TLN2: variants seen among roughly 807,000 people sequenced by gnomAD.
TLN2 encodes talin-2.
A neutral mutation model predicts 294.7 loss-of-function variants in TLN2; 118 were observed. That is an observed-to-expected ratio of 0.40 (90% CI 0.34 to 0.47). The LOEUF (loss-of-function observed/expected upper bound fraction) is 0.47, where lower values mean the gene tolerates loss of function less well. Among genes scored for constraint, TLN2 ranks in the 20% least tolerant of loss-of-function variants. The probability of loss-of-function intolerance (pLI) is 0.84; values close to 1 mark genes in which losing one functional copy is unlikely to be tolerated. For synonymous variants in TLN2, 1,431 were observed against 1,304.5 expected, an observed-to-expected ratio of 1.10 and a Z score of -2.09; for missense variants, 3,083 against 3,282.2, an observed-to-expected ratio of 0.94 and a Z score of 1.48.
intron 1 of TLN2, among the ~76,000 whole-genome samples, chr15:62,552,852 C>G (rs1039820405): frequency 2.6e-5 from 4 of 152,100 alleles, no homozygotes; most frequent in Non-Finnish European, 4.4e-5. Context: ...CTTGTATTTC[C>G]CCTAGGAGCA....
intron 40 of TLN2, 107 bp downstream of exon 40, chr15:62,763,802 CT>C: frequency 7.1e-7 from 1 of 1,404,136 alleles, no homozygotes; most frequent in Non-Finnish European, 9.3e-7. Flanking sequence ...GTTTCTGTTG[CT>C]GGAGTTTCAC....
intron 1 of TLN2, among the ~76,000 whole-genome samples, chr15:62,586,812 C>G (rs2045648317): frequency 6.6e-6 from 1 of 152,212 alleles, no homozygotes; most frequent in Non-Finnish European, 1.5e-5. Context: ...AGGAATGAAT[C>G]TACCTGTCTC....
chr15:62,716,505 A>C, intron 23 of TLN2, 46 bp downstream of exon 23: 1 of 1,557,570 alleles, frequency 6.4e-7, no homozygotes. Context: ...TTAAATTGCA[A>C]AGAGTTATTT....
intron 3 of TLN2, among the ~76,000 whole-genome samples, chr15:62,645,770 A>G (rs1442889167): frequency 6.6e-6 from 1 of 152,188 alleles, no homozygotes; most frequent in Non-Finnish European, 1.5e-5. Context: ...AACACAAGAA[A>G]GAGAGTGAGC....
chr15:62,640,127 G>A (rs1050779154), intron 3 of TLN2: 1 of 454,548 alleles, frequency 2.2e-6, no homozygotes, highest in South Asian at 1.6e-5. Context: ...GCACTTCTGG[G>A]TGGCTGTGAC....
chr15:62,693,079 C>T (rs1429323242), intron 13 of TLN2, 138 bp downstream of exon 13: 2 of 644,962 alleles, frequency 3.1e-6, no homozygotes, highest in African/African-American at 1.9e-5. Flanking sequence ...CCTGTAATCC[C>T]AACACTTCGG....
intron 27 of TLN2, 88 bp from the exon 28 acceptor site, chr15:62,726,999 G>A: frequency 7.4e-7 from 1 of 1,356,088 alleles, no homozygotes; most frequent in South Asian, 1.4e-5. Context: ...CTCAAAGTTT[G>A]ATCTGCATGA....
chr15:62,573,554 A>T (rs1357953344), intron 1 of TLN2, among the ~76,000 whole-genome samples: 1 of 151,992 alleles, frequency 6.6e-6, no homozygotes, highest in Non-Finnish European at 1.5e-5. Flanking sequence ...TCTTGCATGC[A>T]TGACAGGGGT....
chr15:62,474,095 A>G (rs1463745139), intron 1 of TLN2, among the ~76,000 whole-genome samples: 2 of 152,222 alleles, frequency 1.3e-5, no homozygotes, highest in African/African-American at 2.4e-5. Context: ...GTCTGTACTA[A>G]AAACAAAACA....
chr15:62,413,751 G>A (rs1027273914), intron 1 of TLN2, among the ~76,000 whole-genome samples: 7 of 152,314 alleles, frequency 4.6e-5, no homozygotes, highest in Admixed American at 3.9e-4. Flanking sequence ...CCAGTGCAGA[G>A]GCATGGGGTG....
chr15:62,719,525 GGAATGTATC>G (rs2140911763), intron 24 of TLN2, among the ~76,000 whole-genome samples: 1 of 152,262 alleles, frequency 6.6e-6, no homozygotes. Context: ...CATCTTCGAA[GGAATGTATC>G]GAGACTTCCA....
At chr15:62,539,407 G>A (rs2041544650) in intron 1 of TLN2, among the ~76,000 whole-genome samples, 1 of 152,096 alleles carries the variant, frequency 6.6e-6, no homozygotes, top group South Asian at 2.1e-4. Flanking sequence ...CACCTAGTGG[G>A]CCCATGTCCA....
intron 1 of TLN2, among the ~76,000 whole-genome samples, chr15:62,423,141 C>A (rs2034508770): frequency 6.6e-6 from 1 of 152,176 alleles, no homozygotes; most frequent in Non-Finnish European, 1.5e-5. Context: ...CGCCTGTAAT[C>A]CCAGCACTTT....
intron 10 of TLN2, among the ~76,000 whole-genome samples, chr15:62,674,300 C>A (rs977236608): frequency 6.6e-6 from 1 of 152,126 alleles, no homozygotes; most frequent in Non-Finnish European, 1.5e-5. Context: ...AGAGACTTGT[C>A]CAGTCTACGC....
At chr15:62,691,671 C>A (rs1442748670) in intron 12 of TLN2, among the ~76,000 whole-genome samples, 3 of 151,988 alleles carry the variant, frequency 2.0e-5, no homozygotes, top group African/African-American at 7.3e-5. Flanking sequence ...TCCTAGACAT[C>A]TTGGTTATTA....
At chr15:62,832,204 G>T (rs1292260064) in intron 54 of TLN2, 1 of 145,014 alleles carries the variant, frequency 6.9e-6, no homozygotes, top group African/African-American at 2.6e-5. Context: ...ATCTACTACT[G>T]TTGGCACAAA....
chr15:62,731,107 T>C (rs2060700168), intron 28 of TLN2, among the ~76,000 whole-genome samples: 1 of 152,200 alleles, frequency 6.6e-6, no homozygotes, highest in Non-Finnish European at 1.5e-5. Flanking sequence ...TAATTGTAAG[T>C]ATCATATTTT....
chr15:62,518,705 C>A (rs1314996191), intron 1 of TLN2, among the ~76,000 whole-genome samples: 1 of 152,100 alleles, frequency 6.6e-6, no homozygotes, highest in African/African-American at 2.4e-5. Flanking sequence ...TCAAGCAATT[C>A]TCCTACCTCA....
At chr15:62,423,675 G>A (rs1216305520) in intron 1 of TLN2, among the ~76,000 whole-genome samples, 3 of 151,936 alleles carry the variant, frequency 2.0e-5, no homozygotes, top group African/African-American at 7.3e-5. Flanking sequence ...CCGTCTCCTG[G>A]GTTCAAGGAA....
Sources: gnomAD v4.1 joint callset for allele counts (sites outside exome capture counted in the v4.1 genomes callset) on GRCh38, gnomAD v4.1.1 for gene constraint, MANE v1.5 for transcripts, NCBI Gene and HGNC (gene_info 2026-07-23, HGNC 2026-07-21) for gene names.